TICAM1: variants seen among roughly 807,000 people sequenced by gnomAD.
TICAM1 encodes TIR domain containing adaptor molecule 1, also known as TIR domain-containing adapter molecule 1.
For missense variants in TICAM1, 895 were observed against 938.2 expected (o/e 0.95, Z 0.60); for synonymous variants, 439 against 415.4 (o/e 1.06, Z -0.69).
intron 1 of TICAM1, among the ~76,000 whole-genome samples, chr19:4,820,308 T>G (rs189638931): frequency 6.6e-6 from 1 of 150,848 alleles, no homozygotes; most frequent in African/African-American, 2.4e-5. Context: ...TAATCCCAGC[T>G]ACTCGGGAGG....
Position 4,817,607 on chromosome 19 carries a change from T to C in TICAM1, c.771A>G (p.Pro257=). 1.2e-6 allele frequency: 2 copies of C among 1,600,868 alleles called. No individual in the cohort carries two copies. The highest frequency in any genetic ancestry group is 1.7e-6 in the Non-Finnish European group (2 of 1,174,080). ...CQEPEEMSWP[P]SGEIASPPEL... Reference sequence around the variant, plus strand: ...CTGGTGGGCTGGCAATCTCCCCCGATGGCGGCCAGCTCATCTCCTCAGGCT... The same window carrying C: ...CTGGTGGGCTGGCAATCTCCCCCGACGGCGGCCAGCTCATCTCCTCAGGCT... The change falls in exon 2 of 2, where the codon CCA becomes CCG. Residue 257 remains proline, a synonymous_variant. Coordinates refer to ENST00000248244, the MANE Select transcript of TICAM1 (RefSeq NM_182919.4). The surrounding 1 kb of genome is among the most constrained non-coding windows in gnomAD (Gnocchi z 4.7).
chr19:4,816,768 T>G lies in TICAM1; in HGVS notation c.1610A>C (p.Lys537Thr). Residue 537 changes from lysine (K) to threonine (T), a missense_variant, in exon 2 of 2, where the codon AAG becomes ACG. Transcript: ENST00000248244. This position sits in a 1 kb window ranked among gnomAD's most constrained non-coding sequence, Gnocchi z 4.3. ...GTCCTGTTCCTTCCTCCACATGGCC[T>G]TTCGGGCCTGAAGCCTGTGGGGCTT... ...TFKPHRLQAR[K>T]AMWRKEQDTR... The G allele has an allele frequency of 6.2e-7, 1 of 1,613,628 alleles. No homozygotes were observed. Among genetic ancestry groups the G allele is most frequent in the South Asian group, 1.1e-5 (1 of 91,086 alleles).
Position 4,818,311 on chromosome 19 carries a change from G to A in TICAM1, c.67C>T (p.Leu23Phe). ...TTCAGTTTGTGCTTCAGATACAAGA[G>A]CTTGTCCTGGCCTGCTGCACCTAGA... ...DILGAAGQDK[L>F]LYLKHKLKTP... Residue 23 changes from leucine (L) to phenylalanine (F), a missense_variant, in exon 2 of 2, where the codon CTC becomes TTC. Coordinates refer to ENST00000248244, the MANE Select transcript of TICAM1 (RefSeq NM_182919.4). This position sits in a 1 kb window ranked among gnomAD's most constrained non-coding sequence, Gnocchi z 4.0. The A allele has an allele frequency of 1.2e-6, 2 of 1,612,620 alleles. No homozygotes were observed. Among genetic ancestry groups the A allele is most frequent in the South Asian group, 2.2e-5 (2 of 91,084 alleles).
chr19:4,816,437 C>T lies in TICAM1; in HGVS notation c.1941G>A (p.Gln647=), dbSNP rs752133741. The change falls in exon 2 of 2, where the codon CAG becomes CAA. Residue 647 remains glutamine, a synonymous_variant. Transcript: ENST00000248244. This position sits in a 1 kb window ranked among gnomAD's most constrained non-coding sequence, Gnocchi z 4.3. ...QAGTPPPPSP[Q]PAAFPQSLPF... ...GCAGTGACTGTGGAAAGGCTGCTGG[C>T]TGTGGGGAGGGCGGTGGGGGGGTGC... is the stretch of plus-strand genomic sequence containing the variant. 7 of 1,529,650 alleles carry T rather than the reference C, an allele frequency of 4.6e-6. No individual in the cohort carries two copies. The South Asian group carries it at 6.1e-5, about 13-fold the overall frequency. The allele number at this position is 1,529,650 out of a possible 1,614,324, so 94.8% of individuals were successfully genotyped here.
chr19:4,816,395 T>C lies in TICAM1; in HGVS notation c.1983A>G (p.Pro661=). 2 of 1,572,070 alleles carry C rather than the reference T, an allele frequency of 1.3e-6. No homozygotes were observed. The highest frequency in any genetic ancestry group is 2.4e-5 in the South Asian group (2 of 84,996). Residue 661 remains proline (P), a synonymous_variant, in exon 2 of 2, where the codon CCA becomes CCG. Coordinates refer to ENST00000248244, the MANE Select transcript of TICAM1 (RefSeq NM_182919.4). This position sits in a 1 kb window ranked among gnomAD's most constrained non-coding sequence, Gnocchi z 4.3. ...FPQSLPFPQS[P]AFPTASPAPP... Reference sequence around the variant, plus strand: ...GTGCGGGTGAGGCCGTAGGGAAGGCTGGGGACTGCGGGAAGGGCAGTGACT... The same window carrying C: ...GTGCGGGTGAGGCCGTAGGGAAGGCCGGGGACTGCGGGAAGGGCAGTGACT...
chr19:4,826,486 G>A (rs1354154648), intron 1 of TICAM1, among the ~76,000 whole-genome samples: 3 of 152,030 alleles, frequency 2.0e-5, no homozygotes, highest in Middle Eastern at 3.4e-3. Context: ...CATCATACCC[G>A]GCTAATTTTT....
At chr19:4,823,703 G>A (rs2093601479) in intron 1 of TICAM1, among the ~76,000 whole-genome samples, 1 of 152,114 alleles carries the variant, frequency 6.6e-6, no homozygotes. Context: ...AAGATGATGT[G>A]AGGAGACCCA....
In TICAM1 at chr19:4,830,991, G is replaced by A. The variant is rs926562866; in HGVS notation, c.-140+623C>T. Among the ~76,000 whole-genome samples the A allele has an allele frequency of 2.0e-5, 3 of 152,210 alleles. No homozygotes were observed. In the South Asian group the frequency reaches 6.2e-4, roughly 31 times the overall value. Reference sequence around the variant, plus strand: ...TAGGAGGGGGAGAAAGGAAGAAGGTGTGTGGTGGTACAGGGTGTGAGGTTG... The same window carrying A: ...TAGGAGGGGGAGAAAGGAAGAAGGTATGTGGTGGTACAGGGTGTGAGGTTG... On this transcript the variant is annotated intron_variant, in intron 1 of 1. Coordinates refer to ENST00000248244, the MANE Select transcript of TICAM1 (RefSeq NM_182919.4).
In TICAM1 at chr19:4,827,309, T is replaced by G. The variant is rs1445215904; in HGVS notation, c.-140+4305A>C. 2.4e-5 allele frequency among the ~76,000 whole-genome samples: 3 copies of G among 124,176 alleles called. No homozygotes were observed. The East Asian group carries it at 7.6e-4, about 31-fold the overall frequency. 81.5% of individuals were successfully genotyped at this position (124,176 alleles called of 152,430 possible). On this transcript the variant is annotated intron_variant, in intron 1 of 1. Transcript: ENST00000248244. ...GAGGTTGAACCCGGGAGGCGGAGGT[T>G]GCGGTGAGCTGAGATCATGCCATTG...
At chr19:4,823,951 C>G (rs1469928144) in intron 1 of TICAM1, among the ~76,000 whole-genome samples, 1 of 152,158 alleles carries the variant, frequency 6.6e-6, no homozygotes, top group East Asian at 1.9e-4. Flanking sequence ...CAGCCCCCAG[C>G]TACCTGTGTC....
chr19:4,821,243 C>CTAGTGAATA (rs2093596963), intron 1 of TICAM1, among the ~76,000 whole-genome samples: 1 of 151,722 alleles, frequency 6.6e-6, no homozygotes, highest in East Asian at 1.9e-4. Flanking sequence ...GTATTGGGTA[C>CTAGTGAATA]TAGTGAATAC....
In TICAM1 at chr19:4,817,153, C is replaced by A. The variant is rs1474785136; in HGVS notation, c.1225G>T (p.Ala409Ser). ...TCCAGCTTCTCCCGAACCCGCAGGG[C>A]GATGTGTTCGTCTGCCCTGGCGTGG... ...ILHARADEHI[A>S]LRVREKLEAL... The change falls in exon 2 of 2, where the codon GCC becomes TCC. Residue 409 changes from alanine (A) to serine (S), a missense_variant. Coordinates refer to ENST00000248244, the MANE Select transcript of TICAM1 (RefSeq NM_182919.4). The surrounding 1 kb of genome is among the most constrained non-coding windows in gnomAD (Gnocchi z 4.7). The A allele has an allele frequency of 5.0e-6, 8 of 1,614,188 alleles. No individual in the cohort carries two copies. The highest frequency in any genetic ancestry group is 1.3e-5 in the African/African-American group (1 of 75,056).
Position 4,816,494 on chromosome 19 carries a change from C to T in TICAM1, c.1884G>A (p.Pro628=), listed in dbSNP as rs773993340. 3.2e-6 allele frequency: 5 copies of T among 1,567,162 alleles called. No homozygotes were observed. Among genetic ancestry groups the T allele is most frequent in the Middle Eastern group, 2.0e-4 (1 of 5,100 alleles). ...GCCATGCGTGCAGGGGTGGCGGCTG[C>T]GGGCACCCCGGCCAAGTGGGAAAGG... is the stretch of plus-strand genomic sequence containing the variant. ...PPPFPTWPGC[P]QPPPLHAWQA... The change falls in exon 2 of 2, where the codon CCG becomes CCA. Residue 628 remains proline, a synonymous_variant. Transcript: ENST00000248244. This position sits in a 1 kb window ranked among gnomAD's most constrained non-coding sequence, Gnocchi z 4.3.
Position 4,818,433 on chromosome 19 carries a change from T to C in TICAM1, c.-56A>G, listed in dbSNP as rs2093591759. ...GAAGCTGGAGGTGGTGAAGGCATGT[T>C]CCACACTGCCCCCCGCCTTCTGCAC... On this transcript the variant is annotated 5_prime_UTR_variant, in exon 2 of 2. Coordinates refer to ENST00000248244, the MANE Select transcript of TICAM1 (RefSeq NM_182919.4). This position sits in a 1 kb window ranked among gnomAD's most constrained non-coding sequence, Gnocchi z 4.0. The C allele has an allele frequency of 1.5e-5, 23 of 1,519,790 alleles. No individual in the cohort carries two copies. The highest frequency in any genetic ancestry group is 1.9e-5 in the Non-Finnish European group (22 of 1,135,764). The allele number at this position is 1,519,790 out of a possible 1,614,324, so 94.1% of individuals were successfully genotyped here.
Position 4,818,201 on chromosome 19 carries a change from G to A in TICAM1, c.177C>T (p.Ile59=). 1 of 1,612,784 alleles carries A rather than the reference G, an allele frequency of 6.2e-7. No homozygotes were observed. Among genetic ancestry groups the A allele is most frequent in the Non-Finnish European group, 8.5e-7 (1 of 1,179,934 alleles). ...CATCGGCCTTCAATGCCTCTAGAGA[G>A]ATCCTGGCCTCAGTTTCCTGGCCCA... ...LKLGQETEAR[I]SLEALKADAV... Residue 59 remains isoleucine, a synonymous_variant, in exon 2 of 2, where the codon ATC becomes ATT. Coordinates refer to ENST00000248244, the MANE Select transcript of TICAM1 (RefSeq NM_182919.4). This position sits in a 1 kb window ranked among gnomAD's most constrained non-coding sequence, Gnocchi z 4.0.
At chr19:4,830,794 G>T (rs2093612588) in intron 1 of TICAM1, among the ~76,000 whole-genome samples, 1 of 152,180 alleles carries the variant, frequency 6.6e-6, no homozygotes, top group African/African-American at 2.4e-5. Context: ...AGGCCTTTGG[G>T]GACAGGAGGT....
chr19:4,830,724 G>C (rs564434871), intron 1 of TICAM1, among the ~76,000 whole-genome samples: 1 of 152,236 alleles, frequency 6.6e-6, no homozygotes, highest in Non-Finnish European at 1.5e-5. Context: ...TGAGCCGGGG[G>C]CTGTGTGGCT....
rs1480811278 is a variant in TICAM1, at chr19:4,817,400, G to A, written c.978C>T (p.Cys326=). Residue 326 remains cysteine (C), a synonymous_variant, in exon 2 of 2, where the codon TGC becomes TGT. Coordinates refer to ENST00000248244, the MANE Select transcript of TICAM1 (RefSeq NM_182919.4). This position sits in a 1 kb window ranked among gnomAD's most constrained non-coding sequence, Gnocchi z 4.7. ...LPILEPVKNP[C]SVKDQTPLQL... ...GGAGTGGCGTCTGGTCTTTGACAGA[G>A]CAGGGGTTTTTGACCGGCTCCAGAA... 2 of 1,614,074 alleles carry A rather than the reference G, an allele frequency of 1.2e-6. No individual in the cohort carries two copies. The highest frequency in any genetic ancestry group is 1.7e-6 in the Non-Finnish European group (2 of 1,180,030).
intron 1 of TICAM1, among the ~76,000 whole-genome samples, chr19:4,822,753 A>G (rs1273620059): frequency 6.6e-6 from 1 of 152,122 alleles, no homozygotes; most frequent in African/African-American, 2.4e-5. Flanking sequence ...TTTATTTTCC[A>G]TTCCACAGAG....
Sources: gnomAD v4.1 joint callset for allele counts (sites outside exome capture counted in the v4.1 genomes callset) on GRCh38, gnomAD v4.1.1 for gene constraint, Gnocchi (gnomAD v3.1) non-coding constraint, MANE v1.5 for transcripts, NCBI Gene and HGNC (gene_info 2026-07-23, HGNC 2026-07-21) for gene names.